CCDC68: variants seen among roughly 807,000 people sequenced by gnomAD.
CCDC68 encodes the protein coiled-coil domain-containing protein 68.
Under a neutral mutation model 47.1 loss-of-function variants are expected in CCDC68, and 45 were observed. The ratio of observed to expected loss-of-function variants is 0.96; its 90% CI spans 0.75 to 1.23. The LOEUF (loss-of-function observed/expected upper bound fraction) is 1.23. Among genes scored for constraint, CCDC68 ranks in the 50% most tolerant of loss-of-function variants. The pLI, the probability that CCDC68 is intolerant of heterozygous loss-of-function variation, is 0.00. For missense variants in CCDC68, 353 were observed against 373.6 expected (o/e 0.94, Z 0.45); for synonymous variants, 131 against 129.5 (o/e 1.01, Z -0.08).
chr18:54,914,761 G>T (rs2043917163), intron 10 of CCDC68, among the ~76,000 whole-genome samples: 1 of 151,968 alleles, frequency 6.6e-6, no homozygotes. Context: ...GAGAGGAGAG[G>T]GACATACGTA....
Position 54,940,991 on chromosome 18 carries a change from T to C in CCDC68, c.204+6A>G, listed in dbSNP as rs2044426974. The stretch of plus-strand genomic sequence containing the variant: ...TTTATGCTAATCTTCTGCAGGAAAT[T>C]ATTACCTTTGCATCTAGTTTGTGAT... On this transcript the variant is annotated splice_donor_region_variant and intron_variant, in intron 4 of 11. Transcript: ENST00000591504. 6.3e-7 allele frequency: 1 copy of C among 1,588,620 alleles called. No homozygotes were observed. Among genetic ancestry groups the C allele is most frequent in the Non-Finnish European group, 8.6e-7 (1 of 1,158,554 alleles).
At chr18:54,954,997 A>C (rs1194821768) in intron 1 of CCDC68, among the ~76,000 whole-genome samples, 1 of 151,982 alleles carries the variant, frequency 6.6e-6, no homozygotes, top group Non-Finnish European at 1.5e-5. Context: ...ATGTTAAAAA[A>C]AATAGTTTGC....
intron 5 of CCDC68, 38 bp downstream of exon 5, chr18:54,937,919 G>C (rs1337886690): frequency 1.9e-6 from 3 of 1,585,988 alleles, no homozygotes; most frequent in Non-Finnish European, 1.7e-6. Context: ...TAGCTCGAAG[G>C]CTCAAAACAC....
intron 7 of CCDC68, among the ~76,000 whole-genome samples, chr18:54,931,852 CTAATGGCTATT>C (rs1438824876): frequency 2.0e-5 from 3 of 152,200 alleles, no homozygotes; most frequent in Non-Finnish European, 4.4e-5. Flanking sequence ...CCTCATACTA[CTAATGGCTATT>C]TACTGGAGCG....
intron 10 of CCDC68, among the ~76,000 whole-genome samples, chr18:54,910,099 CCT>C (rs1409491392): frequency 6.6e-6 from 1 of 152,210 alleles, no homozygotes; most frequent in Non-Finnish European, 1.5e-5. Context: ...TCAGAGGAAA[CCT>C]GCAGGGGGCA....
intron 1 of CCDC68, among the ~76,000 whole-genome samples, chr18:54,953,751 A>G (rs554757829): frequency 1.3e-5 from 2 of 152,228 alleles, no homozygotes; most frequent in Non-Finnish European, 2.9e-5. Context: ...GATAAAGTAG[A>G]AGGAAATATA....
At chr18:54,942,631 T>C (rs773900221) in intron 3 of CCDC68, 44 bp downstream of exon 3, 1 of 1,219,456 alleles carries the variant, frequency 8.2e-7, no homozygotes, top group Non-Finnish European at 1.2e-6. Context: ...GGAATTTCTC[T>C]TTAAAAAATC....
In CCDC68 at chr18:54,915,972, T is replaced by C. The variant is rs139614631; in HGVS notation, c.873+1941A>G. On this transcript the variant is annotated intron_variant, in intron 10 of 11. Coordinates refer to ENST00000591504, the MANE Select transcript of CCDC68 (RefSeq NM_025214.3). ...GAAATACATAATATATTGCTACATG[T>C]AATAATATAAGAAAAAATATTTTAT... Among the ~76,000 whole-genome samples the C allele has an allele frequency of 3.3e-5, 5 of 152,146 alleles. No individual in the cohort carries two copies. The East Asian group carries it at 9.6e-4, about 29-fold the overall frequency.
Position 54,904,322 on chromosome 18 carries a change from C to A in CCDC68, c.*36G>T. On this transcript the variant is annotated 3_prime_UTR_variant, in exon 12 of 12. Coordinates refer to ENST00000591504, the MANE Select transcript of CCDC68 (RefSeq NM_025214.3). ...TGTTTCAGAGAATAAATAAGACTCA[C>A]GCAGTCTTTCTAAATCAGATCTTCA... 6.7e-7 allele frequency: 1 copy of A among 1,498,472 alleles called. No homozygotes were observed. The highest frequency in any genetic ancestry group is 9.3e-7 in the Non-Finnish European group (1 of 1,075,684). 92.8% of individuals were successfully genotyped at this position (1,498,472 alleles called of 1,614,324 possible). A position where few individuals can be genotyped will look rare whatever the true frequency, so the allele number is the denominator to read the frequency against.
At chr18:54,938,945 C>T (rs1474630173) in intron 4 of CCDC68, among the ~76,000 whole-genome samples, 1 of 152,190 alleles carries the variant, frequency 6.6e-6, no homozygotes, top group Non-Finnish European at 1.5e-5. Context: ...TGTCTGAATA[C>T]TCAAAACACT....
At chr18:54,907,746 T>C (rs779678441) in intron 11 of CCDC68, 40 bp downstream of exon 11, 3 of 1,103,386 alleles carry the variant, frequency 2.7e-6, no homozygotes, top group African/African-American at 3.1e-5. Context: ...ATGTTCAACA[T>C]AGGTTGTGAA....
chr18:54,924,132 A>G (rs902482643), intron 8 of CCDC68, among the ~76,000 whole-genome samples: 1 of 152,242 alleles, frequency 6.6e-6, no homozygotes, highest in African/African-American at 2.4e-5. Flanking sequence ...ATAATTTTTG[A>G]TCATGTTTTC....
At chr18:54,936,552 A>G (rs2044352557) in intron 6 of CCDC68, among the ~76,000 whole-genome samples, 1 of 152,128 alleles carries the variant, frequency 6.6e-6, no homozygotes. Context: ...CCGCAGAGCC[A>G]GTCCAGATTT....
At chr18:54,929,288 G>C (rs1188416654) in intron 7 of CCDC68, among the ~76,000 whole-genome samples, 1 of 152,146 alleles carries the variant, frequency 6.6e-6, no homozygotes, top group Non-Finnish European at 1.5e-5. Flanking sequence ...AAGGACACTA[G>C]ATACCTCTAC....
Position 54,957,629 on chromosome 18 carries a change from T to A in CCDC68, c.-103+1707A>T, listed in dbSNP as rs62091556. Among the ~76,000 whole-genome samples, 294 of 78,850 alleles carry A rather than the reference T, an allele frequency of 3.7e-3. 1 individual carries two copies. Among genetic ancestry groups the A allele is most frequent in the Admixed American group, 6.7e-3 (57 of 8,520 alleles). The allele number at this position is 78,850 out of a possible 152,430, so 51.7% of individuals were successfully genotyped here. ...ACAATGTACACACACACACACACAC[T>A]CTCTCTCTCTCTCTCTCTCTCTCTC... On this transcript the variant is annotated intron_variant, in intron 1 of 11. Transcript: ENST00000591504.
At chr18:54,941,961 A>G (rs1402182403) in intron 3 of CCDC68, among the ~76,000 whole-genome samples, 1 of 151,894 alleles carries the variant, frequency 6.6e-6, no homozygotes, top group Admixed American at 6.6e-5. Flanking sequence ...AAGCCTGGCT[A>G]ATTTTTTTGT....
At chr18:54,949,952 G>A (rs1477858215) in intron 1 of CCDC68, among the ~76,000 whole-genome samples, 4 of 152,186 alleles carry the variant, frequency 2.6e-5, no homozygotes, top group Non-Finnish European at 5.9e-5. Context: ...CCAGTGTCCA[G>A]TGGCTACGTC....
chr18:54,922,430 C>G (rs1007785220), intron 8 of CCDC68, among the ~76,000 whole-genome samples: 2 of 152,036 alleles, frequency 1.3e-5, no homozygotes, highest in East Asian at 3.9e-4. Context: ...AGAGGCAGGA[C>G]TGAGAAATCT....
At chr18:54,953,741 G>A (rs527741334) in intron 1 of CCDC68, among the ~76,000 whole-genome samples, 1 of 152,240 alleles carries the variant, frequency 6.6e-6, no homozygotes, top group African/African-American at 2.4e-5. Flanking sequence ...TATTAAAGGT[G>A]ATAAAGTAGA....
Sources: gnomAD v4.1 joint callset for allele counts (sites outside exome capture counted in the v4.1 genomes callset) on GRCh38, gnomAD v4.1.1 for gene constraint, MANE v1.5 for transcripts, NCBI Gene and HGNC (gene_info 2026-07-23, HGNC 2026-07-21) for gene names.